The following CACNA1E variants were observed in gnomAD, a reference collection of about 807,000 sequenced individuals.
CACNA1E encodes the protein calcium voltage-gated channel subunit alpha1 E.
Under a neutral mutation model 259.2 loss-of-function variants are expected in CACNA1E, and 40 were observed. The ratio of observed to expected loss-of-function variants is 0.15; its 90% CI spans 0.12 to 0.20. CACNA1E has a LOEUF of 0.20. Among genes scored for constraint, CACNA1E ranks in the 10% least tolerant of loss-of-function variants. The pLI is 1.00. For missense variants in CACNA1E, 1,874 were observed against 3,040.1 expected (o/e 0.62, Z 9.02); for synonymous variants, 1,104 against 1,138.5 (o/e 0.97, Z 0.61).
intron 43 of CACNA1E, among the ~76,000 whole-genome samples, chr1:181,789,349 G>A (rs1041199944): frequency 5.3e-5 from 8 of 152,278 alleles, no homozygotes; most frequent in African/African-American, 1.9e-4. Context: ...GTGATTCTCT[G>A]CTCTTCATAT....
chr1:181,518,631 G>T (rs1263584315), intron 3 of CACNA1E, among the ~76,000 whole-genome samples: 1 of 152,170 alleles, frequency 6.6e-6, no homozygotes, highest in East Asian at 1.9e-4. Context: ...AGTAGTTGAT[G>T]GGCAGCTGAG....
At chr1:181,326,877 G>T (rs1650835495) in intron 1 of CACNA1E, among the ~76,000 whole-genome samples, 1 of 152,148 alleles carries the variant, frequency 6.6e-6, no homozygotes, top group African/African-American at 2.4e-5. Context: ...GGAGTCATTT[G>T]TGACTCTTGT....
chr1:181,544,784 T>C (rs375674888), intron 3 of CACNA1E, among the ~76,000 whole-genome samples: 1 of 152,200 alleles, frequency 6.6e-6, no homozygotes, highest in South Asian at 2.1e-4. Context: ...AGAGAGAGTG[T>C]AAAACCTGTT....
At chr1:181,422,351 C>T (rs1055017897) in intron 2 of CACNA1E, among the ~76,000 whole-genome samples, 10 of 152,142 alleles carry the variant, frequency 6.6e-5, no homozygotes, top group East Asian at 1.9e-4. Flanking sequence ...ATGAATGTTC[C>T]GTAACAGTGG....
chr1:181,509,464 G>A (rs1665988900), intron 1 of CACNA1E, among the ~76,000 whole-genome samples: 1 of 152,090 alleles, frequency 6.6e-6, no homozygotes, highest in African/African-American at 2.4e-5. Flanking sequence ...TCTTCTGCCT[G>A]GATTCCAGAA....
At chr1:181,353,529 A>G (rs994695948) in intron 1 of CACNA1E, among the ~76,000 whole-genome samples, 1 of 152,230 alleles carries the variant, frequency 6.6e-6, no homozygotes, top group African/African-American at 2.4e-5. Flanking sequence ...CTCTTGAGAG[A>G]GAGAGAGCAT....
At chr1:181,545,440 A>G (rs1647339124) in intron 3 of CACNA1E, among the ~76,000 whole-genome samples, 1 of 152,162 alleles carries the variant, frequency 6.6e-6, no homozygotes, top group Non-Finnish European at 1.5e-5. Context: ...ACAGTGGTCC[A>G]GTTGGTGGGC....
chr1:181,666,639 G>C (rs575584254), intron 7 of CACNA1E, among the ~76,000 whole-genome samples: 1 of 151,478 alleles, frequency 6.6e-6, no homozygotes, highest in Non-Finnish European at 1.5e-5. Flanking sequence ...TTTTATATAG[G>C]GAGTAAAATA....
At chr1:181,692,821 G>A (rs755637548) in intron 7 of CACNA1E, among the ~76,000 whole-genome samples, 1 of 152,010 alleles carries the variant, frequency 6.6e-6, no homozygotes, top group Non-Finnish European at 1.5e-5. Flanking sequence ...AAAGAGCTCT[G>A]TATGGCAAAA....
At chr1:181,348,468 G>A (rs1248689141) in intron 1 of CACNA1E, among the ~76,000 whole-genome samples, 3 of 152,134 alleles carry the variant, frequency 2.0e-5, no homozygotes, top group Non-Finnish European at 2.9e-5. Flanking sequence ...GGTCAGTATG[G>A]TTTGCTAATG....
rs560395440 is a variant in CACNA1E, at chr1:181,515,910, C to T, written c.512+4400C>T. On this transcript the variant is annotated intron_variant, in intron 3 of 47. Coordinates refer to ENST00000367573, the MANE Select transcript of CACNA1E (RefSeq NM_001205293.3). ...CCCAGATTCTCTTGTCTATAGGATA[C>T]AAAAATGAGTGCTGGGGGAAGGCTG... Among the ~76,000 whole-genome samples the T allele has an allele frequency of 3.0e-4, 46 of 152,210 alleles. No homozygotes were observed. The East Asian group carries it at 7.1e-3, about 24-fold the overall frequency.
chr1:181,357,968 A>G (rs1315007058), intron 1 of CACNA1E, among the ~76,000 whole-genome samples: 1 of 152,166 alleles, frequency 6.6e-6, no homozygotes, highest in Non-Finnish European at 1.5e-5. Context: ...GACATTTGCC[A>G]TGAAAAGGAG....
At chr1:181,720,412 A>G (rs889962931) in intron 14 of CACNA1E, 75 bp downstream of exon 14, 2 of 1,481,324 alleles carry the variant, frequency 1.4e-6, no homozygotes, top group African/African-American at 2.8e-5. Context: ...AGGGTCATTA[A>G]CTCAATCACC....
At chr1:181,355,399 C>T (rs2101898908) in intron 1 of CACNA1E, among the ~76,000 whole-genome samples, 1 of 152,246 alleles carries the variant, frequency 6.6e-6, no homozygotes, top group Non-Finnish European at 1.5e-5. Context: ...ACCAGCTTGA[C>T]CAACATGGTA....
chr1:181,365,869 G>C (rs1004297710), intron 1 of CACNA1E, among the ~76,000 whole-genome samples: 2 of 152,256 alleles, frequency 1.3e-5, no homozygotes, highest in African/African-American at 4.8e-5. Flanking sequence ...CACAGAGGAA[G>C]TGGACAAGGG....
At chr1:181,689,709 T>A (rs1650946011) in intron 7 of CACNA1E, among the ~76,000 whole-genome samples, 1 of 152,236 alleles carries the variant, frequency 6.6e-6, no homozygotes, top group African/African-American at 2.4e-5. Context: ...GGTTTTGATT[T>A]GTATTTATCT....
At chr1:181,786,768 T>C (rs1008009283) in intron 43 of CACNA1E, among the ~76,000 whole-genome samples, 1 of 152,224 alleles carries the variant, frequency 6.6e-6, no homozygotes, top group Non-Finnish European at 1.5e-5. Flanking sequence ...AAATCGCTTA[T>C]GTTAATTACT....
At chr1:181,552,660 A>G (rs1238236607) in intron 3 of CACNA1E, among the ~76,000 whole-genome samples, 5 of 152,178 alleles carry the variant, frequency 3.3e-5, no homozygotes, top group Admixed American at 3.3e-4. Flanking sequence ...TTATTATTTT[A>G]CTTTAAGTTC....
intron 1 of CACNA1E, among the ~76,000 whole-genome samples, chr1:181,320,702 A>G (rs548238044): frequency 1.3e-5 from 2 of 152,288 alleles, no homozygotes; most frequent in South Asian, 4.2e-4. Context: ...CATCTGACTC[A>G]CAGAGTTAGT....
Sources: allele counts gnomAD v4.1 joint callset (sites outside exome capture counted in the v4.1 genomes callset), GRCh38; gene constraint gnomAD v4.1.1; transcripts MANE v1.5; gene names NCBI Gene and HGNC (gene_info 2026-07-23, HGNC 2026-07-21).